LRMDA: variants seen among roughly 807,000 people sequenced by gnomAD.
LRMDA encodes leucine-rich melanocyte differentiation-associated protein.
Under a neutral mutation model 29.8 loss-of-function variants are expected in LRMDA, and 18 were observed. The observed-to-expected ratio is 0.60, with a 90% CI of 0.42 to 0.90. The LOEUF (loss-of-function observed/expected upper bound fraction) is 0.90, where lower values mean the gene tolerates loss of function less well. Among genes scored for constraint, LRMDA ranks in the 40% least tolerant of loss-of-function variants. The pLI, the probability that LRMDA is intolerant of heterozygous loss-of-function variation, is 0.00. For synonymous variants in LRMDA, 125 were observed against 109.4 expected (o/e 1.14, Z -0.89); for missense variants, 273 against 273.9 (o/e 1.00, Z 0.02).
At chr10:75,602,077 T>G (rs1840893903) in intron 2 of LRMDA, among the ~76,000 whole-genome samples, 1 of 152,224 alleles carries the variant, frequency 6.6e-6, no homozygotes, top group South Asian at 2.1e-4. Flanking sequence ...AATTCAGTGC[T>G]GGGTCAAATC....
chr10:76,494,012 T>C (rs1271747624), intron 6 of LRMDA, among the ~76,000 whole-genome samples: 1 of 152,024 alleles, frequency 6.6e-6, no homozygotes, highest in Non-Finnish European at 1.5e-5. Context: ...TTTTATGTGT[T>C]GATCTTGTAT....
intron 2 of LRMDA, among the ~76,000 whole-genome samples, chr10:75,440,661 T>C (rs1844315895): frequency 6.6e-6 from 1 of 152,170 alleles, no homozygotes. Flanking sequence ...CGAGCTTATT[T>C]GGGCACTGGT....
At chr10:76,077,622 A>G (rs992269126) in intron 5 of LRMDA, among the ~76,000 whole-genome samples, 1 of 152,194 alleles carries the variant, frequency 6.6e-6, no homozygotes, top group African/African-American at 2.4e-5. Context: ...CCATTTATTT[A>G]TGATCTTATC....
At chr10:76,157,007 T>C (rs1850550027) in intron 5 of LRMDA, among the ~76,000 whole-genome samples, 1 of 152,198 alleles carries the variant, frequency 6.6e-6, no homozygotes, top group African/African-American at 2.4e-5. Context: ...TTAATAATGT[T>C]TGTATTGAAT....
chr10:76,555,895 G>T (rs1843551062), intron 6 of LRMDA, among the ~76,000 whole-genome samples: 1 of 151,708 alleles, frequency 6.6e-6, no homozygotes, highest in Non-Finnish European at 1.5e-5. Context: ...ACTGTCTTAT[G>T]GACATTTCCT....
At chr10:76,051,385 G>C (rs1011150478) in intron 4 of LRMDA, among the ~76,000 whole-genome samples, 4 of 152,222 alleles carry the variant, frequency 2.6e-5, no homozygotes, top group African/African-American at 9.6e-5. Context: ...ACATGCTGCC[G>C]GTGAACTGTG....
chr10:75,762,077 T>C (rs750261340), intron 2 of LRMDA, among the ~76,000 whole-genome samples: 4 of 152,158 alleles, frequency 2.6e-5, no homozygotes, highest in Non-Finnish European at 4.4e-5. Flanking sequence ...CCTCCCAAAG[T>C]GCTGGGATTA....
intron 2 of LRMDA, among the ~76,000 whole-genome samples, chr10:75,780,752 C>T (rs896351252): frequency 6.6e-6 from 1 of 152,104 alleles, no homozygotes; most frequent in African/African-American, 2.4e-5. Context: ...TGAGAGCAGG[C>T]GAGTCTCCCT....
chr10:76,213,298 A>G (rs1228262012), intron 5 of LRMDA, among the ~76,000 whole-genome samples: 3 of 152,208 alleles, frequency 2.0e-5, no homozygotes, highest in Non-Finnish European at 2.9e-5. Flanking sequence ...CCTTGACCAC[A>G]TCAAGTTGTG....
intron 2 of LRMDA, among the ~76,000 whole-genome samples, chr10:75,597,901 GA>G (rs764441024): frequency 9.9e-5 from 15 of 152,090 alleles, no homozygotes; most frequent in Non-Finnish European, 1.9e-4. Flanking sequence ...CATTCAGTGG[GA>G]GCTGTCAATG....
chr10:75,888,364 A>C (rs1471963608), intron 2 of LRMDA, among the ~76,000 whole-genome samples: 1 of 152,220 alleles, frequency 6.6e-6, no homozygotes, highest in Non-Finnish European at 1.5e-5. Context: ...GTACAGTTGC[A>C]ACTAGAGGTC....
chr10:75,884,278 T>TGTGTGTGTGTGTGC (rs1845345274), intron 2 of LRMDA, among the ~76,000 whole-genome samples: 1 of 150,246 alleles, frequency 6.7e-6, no homozygotes, highest in Non-Finnish European at 1.5e-5. Flanking sequence ...TGTGTGTGTG[T>TGTGTGTGTGTGTGC]GTGTGTGTGT....
intron 2 of LRMDA, among the ~76,000 whole-genome samples, chr10:75,659,924 T>C (rs1175991637): frequency 2.0e-5 from 3 of 152,188 alleles, no homozygotes; most frequent in Non-Finnish European, 2.9e-5. Context: ...ATTTTTTTGC[T>C]CTTCACTAAG....
chr10:76,010,581 G>A (rs1424038564), intron 2 of LRMDA, among the ~76,000 whole-genome samples: 2 of 152,094 alleles, frequency 1.3e-5, no homozygotes, highest in African/African-American at 4.8e-5. Context: ...CAAAGTGCTG[G>A]GATTACAGGC....
intron 2 of LRMDA, among the ~76,000 whole-genome samples, chr10:75,659,885 A>C (rs759583945): frequency 3.3e-5 from 5 of 152,264 alleles, no homozygotes; most frequent in Non-Finnish European, 5.9e-5. Context: ...GGAGAAAACC[A>C]AGGCTTCCTC....
intron 2 of LRMDA, among the ~76,000 whole-genome samples, chr10:75,507,507 G>A (rs938488941): frequency 7.2e-5 from 11 of 152,216 alleles, no homozygotes; most frequent in Non-Finnish European, 1.6e-4. Context: ...AAAGGGTCAT[G>A]TTGAAGTCAC....
chr10:75,701,026 T>C (rs1842302086), intron 2 of LRMDA, among the ~76,000 whole-genome samples: 1 of 152,132 alleles, frequency 6.6e-6, no homozygotes, highest in African/African-American at 2.4e-5. Flanking sequence ...CTCCTCGGCA[T>C]TGGAGTGGGA....
At chr10:76,434,138 C>T (rs886389187) in intron 6 of LRMDA, among the ~76,000 whole-genome samples, 2 of 142,140 alleles carry the variant, frequency 1.4e-5, no homozygotes, top group South Asian at 2.2e-4. Context: ...GTTGCCTTCT[C>T]ATATCCTCTT....
At chr10:76,370,317 A>G (rs1418791088) in intron 6 of LRMDA, among the ~76,000 whole-genome samples, 1 of 152,148 alleles carries the variant, frequency 6.6e-6, no homozygotes, top group East Asian at 1.9e-4. Context: ...CATGGCTTTA[A>G]TCCTCTGTGC....
Sources: allele counts gnomAD v4.1 joint callset (sites outside exome capture counted in the v4.1 genomes callset), GRCh38; gene constraint gnomAD v4.1.1; transcripts MANE v1.5; gene names NCBI Gene and HGNC (gene_info 2026-07-23, HGNC 2026-07-21).